The following DYNC2H1 variants were observed in gnomAD, a reference collection of about 807,000 sequenced individuals.
The protein encoded by DYNC2H1 is dynein cytoplasmic 2 heavy chain 1, also known as cytoplasmic dynein 2 heavy chain 1.
In DYNC2H1, 410 loss-of-function variants were observed where a neutral mutation model predicts 570.0. That is an observed-to-expected ratio of 0.72 (90% CI 0.66 to 0.78). The LOEUF is 0.78. DYNC2H1 is among the 30% of genes least tolerant of loss of function. The pLI is 0.00. For synonymous variants in DYNC2H1, 1,688 were observed against 1,677.6 expected (o/e 1.01, Z -0.15); for missense variants, 4,865 against 5,046.4 (o/e 0.96, Z 1.09).
Position 103,219,997 on chromosome 11 carries a change from A to G in DYNC2H1, c.8915A>G (p.Asn2972Ser). The G allele has an allele frequency of 6.7e-7, 1 of 1,483,572 alleles. No individual in the cohort carries two copies. Among genetic ancestry groups the G allele is most frequent in the African/African-American group, 1.5e-5 (1 of 67,468 alleles). 91.9% of individuals were successfully genotyped at this position (1,483,572 alleles called of 1,614,324 possible). A position where few individuals can be genotyped will look rare whatever the true frequency, so the allele number is the denominator to read the frequency against. ...GTTGTTAAAATTGAAGAAAGAAAAA[A>G]TAAAATTGATGATGAATTAAAAGAA... ...EEVVKIEERK[N>S]KIDDELKEVQ... Residue 2972 changes from asparagine (N) to serine (S), a missense_variant, in exon 56 of 89, where the codon AAT becomes AGT. Around this residue, in one of 5 missense-constraint regions of DYNC2H1, gnomAD observed 2,401 missense variants for 2,454.6 expected, o/e 0.98. Coordinates refer to ENST00000375735, the MANE Select transcript of DYNC2H1 (RefSeq NM_001377.3).
At position 103,316,523 on chromosome 11, in the gene DYNC2H1, TAAAA is replaced by T; in HGVS notation, c.11650-18_11650-15del. On this transcript the variant is annotated intron_variant, in intron 79 of 88. Coordinates refer to ENST00000375735, the MANE Select transcript of DYNC2H1 (RefSeq NM_001377.3). ...TTTGACTACTGCTTAGTTGTTTACT[TAAAA>T]AAATTGTTTTTTGACAGGGTTGGAC... 3 of 1,522,582 alleles carry T rather than the reference TAAAA, an allele frequency of 2.0e-6. No individual in the cohort carries two copies. In the South Asian group the frequency reaches 3.9e-5, roughly 20 times the overall value. 94.3% of individuals were successfully genotyped at this position (1,522,582 alleles called of 1,614,324 possible).
chr11:103,454,435 A>C (rs1224541550), intron 85 of DYNC2H1, among the ~76,000 whole-genome samples: 1 of 141,422 alleles, frequency 7.1e-6, no homozygotes, highest in Non-Finnish European at 1.6e-5. Flanking sequence ...AAACTACCTG[A>C]GTTTAATAAC....
chr11:103,176,548 A>G (rs1861824063), intron 37 of DYNC2H1, 114 bp downstream of exon 37: 1 of 852,658 alleles, frequency 1.2e-6, no homozygotes, highest in African/African-American at 1.8e-5. Context: ...CTTAGATCTC[A>G]CTTGCTCAGG....
chr11:103,148,975 T>G (rs1565343305), intron 20 of DYNC2H1, among the ~76,000 whole-genome samples: 1 of 152,134 alleles, frequency 6.6e-6, no homozygotes. Flanking sequence ...GAGAATCTCT[T>G]GAACCTGGGA....
intron 83 of DYNC2H1, among the ~76,000 whole-genome samples, chr11:103,384,281 T>G (rs1941788131): frequency 6.6e-6 from 1 of 152,170 alleles, no homozygotes; most frequent in Non-Finnish European, 1.5e-5. Flanking sequence ...TGATTCCCTT[T>G]AGCGCTTATG....
At chr11:103,262,280 G>A (rs1865328894) in intron 70 of DYNC2H1, among the ~76,000 whole-genome samples, 1 of 152,166 alleles carries the variant, frequency 6.6e-6, no homozygotes, top group East Asian at 1.9e-4. Flanking sequence ...ACAGTCTTCA[G>A]GATATTATCC....
chr11:103,176,278 C>G lies in DYNC2H1; in HGVS notation c.5718C>G (p.Thr1906=), dbSNP rs585692. ...TGGTACAAGCACTGAGGCTTAATACCATGTCAAAGTTTACGTTTACTGATT... is the reference window on the plus strand; with the variant it reads ...TGGTACAAGCACTGAGGCTTAATACGATGTCAAAGTTTACGTTTACTGATT... ...HIVVQALRLN[T]MSKFTFTDCT... Residue 1906 remains threonine (T), a synonymous_variant, in exon 37 of 89, where the codon ACC becomes ACG. Coordinates refer to ENST00000375735, the MANE Select transcript of DYNC2H1 (RefSeq NM_001377.3). 1.3e-6 allele frequency: 2 copies of G among 1,541,548 alleles called. No individual in the cohort carries two copies. The highest frequency in any genetic ancestry group is 1.7e-6 in the Non-Finnish European group (2 of 1,143,124).
chr11:103,171,914 A>G (rs1197073815), intron 34 of DYNC2H1, among the ~76,000 whole-genome samples: 2 of 152,156 alleles, frequency 1.3e-5, no homozygotes, highest in African/African-American at 4.8e-5. Flanking sequence ...ACACTTAGCT[A>G]TTTTGTTCCT....
chr11:103,445,822 T>G (rs1944404191), intron 85 of DYNC2H1, among the ~76,000 whole-genome samples: 1 of 152,094 alleles, frequency 6.6e-6, no homozygotes, highest in African/African-American at 2.4e-5. Flanking sequence ...CGGCTAATTT[T>G]TTTGTATTTT....
chr11:103,258,622 G>C (rs1865154535), intron 69 of DYNC2H1, among the ~76,000 whole-genome samples: 1 of 152,174 alleles, frequency 6.6e-6, no homozygotes, highest in African/African-American at 2.4e-5. Flanking sequence ...TCTGCAGGAG[G>C]CTTGGCTTTT....
intron 82 of DYNC2H1, among the ~76,000 whole-genome samples, chr11:103,336,042 C>T (rs775941155): frequency 5.1e-4 from 77 of 152,218 alleles, no homozygotes; most frequent in Non-Finnish European, 9.3e-4. Flanking sequence ...GAGATTCAGT[C>T]GCTTTTCTCC....
rs535198055 is a variant in DYNC2H1 at position 103,345,663 on chromosome 11, G to A, written c.12040-12580G>A. 4.6e-5 allele frequency among the ~76,000 whole-genome samples: 7 copies of A among 152,288 alleles called. No individual in the cohort carries two copies. In the East Asian group the frequency reaches 9.6e-4, roughly 21 times the overall value. ...GCTGATGTGGCTGAAGCACAGTGAGGGAGAAGGGGAGTGGTGGGACATGAG... is the reference window on the plus strand; with the variant it reads ...GCTGATGTGGCTGAAGCACAGTGAGAGAGAAGGGGAGTGGTGGGACATGAG... On this transcript the variant is annotated intron_variant, in intron 82 of 88. Transcript: ENST00000375735.
In DYNC2H1 at chr11:103,181,513, A is replaced by G. The variant is rs1861846930; in HGVS notation, c.6348-244A>G. On this transcript the variant is annotated intron_variant, in intron 39 of 88. Transcript: ENST00000375735. This position sits in a 1 kb window ranked among gnomAD's most constrained non-coding sequence, Gnocchi z 5.0. Reference sequence around the variant, plus strand: ...ATGAAATGTATTTGTTTTATAGAAAATGACATATATATGTATATATACCTA... The same window carrying G: ...ATGAAATGTATTTGTTTTATAGAAAGTGACATATATATGTATATATACCTA... Among the ~76,000 whole-genome samples, 2 of 151,678 alleles carry G rather than the reference A, an allele frequency of 1.3e-5. No homozygotes were observed. Among genetic ancestry groups the G allele is most frequent in the East Asian group, 3.9e-4 (2 of 5,174 alleles).
intron 76 of DYNC2H1, among the ~76,000 whole-genome samples, chr11:103,304,055 A>G (rs531388222): frequency 1.3e-5 from 2 of 152,032 alleles, no homozygotes; most frequent in Non-Finnish European, 2.9e-5. Flanking sequence ...TTTGCATGTA[A>G]ATTTGAAAAT....
intron 84 of DYNC2H1, among the ~76,000 whole-genome samples, chr11:103,426,805 T>A (rs1208307945): frequency 5.3e-5 from 8 of 152,208 alleles, no homozygotes; most frequent in Admixed American, 5.2e-4. Context: ...TGCGCAGAAA[T>A]TAGTGCGACT....
chr11:103,354,203 TCTC>T (rs1387232820), intron 82 of DYNC2H1, among the ~76,000 whole-genome samples: 2 of 136,564 alleles, frequency 1.5e-5, no homozygotes, highest in Non-Finnish European at 3.1e-5. Flanking sequence ...AAAAAAAAAA[TCTC>T]CTGTTTAGCC....
chr11:103,281,491 AG>A (rs1398121320), intron 71 of DYNC2H1, among the ~76,000 whole-genome samples: 2 of 152,022 alleles, frequency 1.3e-5, no homozygotes, highest in Non-Finnish European at 2.9e-5. Context: ...TAATTGTAAT[AG>A]GAAGAGTGTG....
rs767513384 is a variant in DYNC2H1 at position 103,276,694 on chromosome 11, CCTT to C, written c.10696-3651_10696-3649del. On this transcript the variant is annotated intron_variant, in intron 70 of 88. Transcript: ENST00000375735. ...ATGTTTTTATAAACATCTTCCTCCTCCTTCTACAAAATGGATTATGCTGTATAT... is the reference window on the plus strand; with the variant it reads ...ATGTTTTTATAAACATCTTCCTCCTCCTACAAAATGGATTATGCTGTATAT... Among the ~76,000 whole-genome samples the C allele has an allele frequency of 4.6e-5, 7 of 152,096 alleles. No homozygotes were observed. The South Asian group carries it at 8.3e-4, about 18-fold the overall frequency.
intron 82 of DYNC2H1, among the ~76,000 whole-genome samples, chr11:103,327,807 T>C (rs1366297088): frequency 1.3e-5 from 2 of 152,202 alleles, no homozygotes; most frequent in Non-Finnish European, 2.9e-5. Context: ...ACTGCGAAGC[T>C]GTAGCCTTAG....
Sources: allele counts gnomAD v4.1 joint callset (sites outside exome capture counted in the v4.1 genomes callset), GRCh38; gene constraint gnomAD v4.1.1; regional missense constraint gnomAD v4.1.1; non-coding constraint Gnocchi (gnomAD v3.1); transcripts MANE v1.5; gene names NCBI Gene and HGNC (gene_info 2026-07-23, HGNC 2026-07-21).